ANO10: variants seen among roughly 807,000 people sequenced by gnomAD.
The protein encoded by ANO10 is anoctamin 10.
In ANO10, 77 loss-of-function variants were observed where a neutral mutation model predicts 74.7. The ratio of observed to expected loss-of-function variants is 1.03; its 90% confidence interval spans 0.86 to 1.25. The LOEUF is 1.25. Ranked by LOEUF, ANO10 falls within the 50% of genes most tolerant of loss-of-function variation. The probability of loss-of-function intolerance (pLI) is 0.00; values close to 1 mark genes in which losing one functional copy is unlikely to be tolerated. For missense variants in ANO10, 721 were observed against 778.1 expected (o/e 0.93, Z 0.87); for synonymous variants, 279 against 284.9 (o/e 0.98, Z 0.21).
chr3:43,565,607 C>T lies in ANO10; in HGVS notation c.1293+46G>A, dbSNP rs149638242. 265 of 1,426,798 alleles carry T rather than the reference C, an allele frequency of 1.9e-4. No individual in the cohort carries two copies. The African/African-American group carries it at 3.0e-3, about 16-fold the overall frequency. The allele number at this position is 1,426,798 out of a possible 1,614,324, so 88.4% of individuals were successfully genotyped here. ...TACAGCATCTAAAGATAGAAAACCA[C>T]CTCTATGACCTAAAAAATTGGTATT... On this transcript the variant is annotated intron_variant, in intron 8 of 12. Coordinates refer to ENST00000292246, the MANE Select transcript of ANO10 (RefSeq NM_018075.5).
intron 8 of ANO10, among the ~76,000 whole-genome samples, chr3:43,562,143 G>A (rs887020062): frequency 1.3e-5 from 2 of 152,024 alleles, no homozygotes; most frequent in African/African-American, 4.8e-5. Context: ...GGCCAAGGCG[G>A]GCAGATCACC....
chr3:43,642,729 G>A (rs544204980), intron 1 of ANO10, among the ~76,000 whole-genome samples: 20 of 151,634 alleles, frequency 1.3e-4, no homozygotes, highest in Middle Eastern at 3.4e-3. Context: ...AAATATAGGC[G>A]AATACCTAAA....
intron 11 of ANO10, among the ~76,000 whole-genome samples, chr3:43,473,291 G>C (rs2075937029): frequency 4.6e-5 from 7 of 152,054 alleles, no homozygotes; most frequent in Admixed American, 4.6e-4. Flanking sequence ...GACACTGTCC[G>C]CTTTGCTGGC....
chr3:43,432,875 G>T (rs1018876890), intron 11 of ANO10, 148 bp from the exon 12 acceptor site: 1 of 606,874 alleles, frequency 1.6e-6, no homozygotes, highest in East Asian at 3.4e-5. Flanking sequence ...GACCAAGCAG[G>T]CCCATGAGTT....
In ANO10 at chr3:43,635,867, G is replaced by A. The variant is rs151137271; in HGVS notation, c.-11-30004C>T. Among the ~76,000 whole-genome samples, 127 of 152,078 alleles carry A rather than the reference G, an allele frequency of 8.4e-4. 1 individual carries two copies. Among genetic ancestry groups the A allele is most frequent in the African/African-American group, 2.8e-3 (116 of 41,502 alleles). On this transcript the variant is annotated intron_variant, in intron 1 of 3. Coordinates refer to the ANO10 transcript ENST00000413397. ...GATAGCCTGACCTCATGATCCACCC[G>A]CCTAGGCCTCCCAAAGTGCTGGGAT...
chr3:43,687,951 T>G (rs1370134075), intron 1 of ANO10, among the ~76,000 whole-genome samples: 3 of 152,136 alleles, frequency 2.0e-5, no homozygotes, highest in Non-Finnish European at 2.9e-5. Context: ...GTTCCACCAT[T>G]GCTGGCAACA....
intron 1 of ANO10, among the ~76,000 whole-genome samples, chr3:43,650,543 C>T (rs2083776323): frequency 6.6e-6 from 1 of 151,974 alleles, no homozygotes; most frequent in African/African-American, 2.4e-5. Flanking sequence ...GAAAAAGATG[C>T]AATCAGCAAT....
chr3:43,524,443 C>T (rs1290593464), intron 11 of ANO10, among the ~76,000 whole-genome samples: 1 of 152,142 alleles, frequency 6.6e-6, no homozygotes, highest in African/African-American at 2.4e-5. Flanking sequence ...ACAGTTCCTG[C>T]ATTTACAGTC....
At chr3:43,424,114 G>C (rs1333884045) in intron 12 of ANO10, among the ~76,000 whole-genome samples, 1 of 152,126 alleles carries the variant, frequency 6.6e-6, no homozygotes, top group Non-Finnish European at 1.5e-5. Flanking sequence ...GCCTCATTCT[G>C]ACTTTGCCCC....
chr3:43,368,614 A>G (rs753660909), intron 12 of ANO10, among the ~76,000 whole-genome samples: 9 of 152,150 alleles, frequency 5.9e-5, no homozygotes, highest in Non-Finnish European at 1.2e-4. Flanking sequence ...AAAAACTGTA[A>G]TATTTCAGCC....
intron 12 of ANO10, among the ~76,000 whole-genome samples, chr3:43,409,665 T>C (rs1327203984): frequency 1.3e-5 from 2 of 152,208 alleles, no homozygotes; most frequent in Non-Finnish European, 2.9e-5. Context: ...TTCATGTTAC[T>C]TACAGCTAAT....
chr3:43,480,255 G>A (rs2076216668), intron 11 of ANO10, among the ~76,000 whole-genome samples: 1 of 152,196 alleles, frequency 6.6e-6, no homozygotes, highest in Admixed American at 6.5e-5. Flanking sequence ...AAATGCAACA[G>A]AGGGCCAGAA....
intron 12 of ANO10, among the ~76,000 whole-genome samples, chr3:43,428,545 G>GCTATGAA (rs142646067): frequency 0.19 from 28,130 of 151,652 alleles, 3,104 homozygotes; most frequent in Middle Eastern, 0.36. Flanking sequence ...TTCAGGGCAA[G>GCTATGAA]CTATGAACGT....
intron 1 of ANO10, among the ~76,000 whole-genome samples, chr3:43,657,206 G>A (rs1168092815): frequency 1.3e-5 from 2 of 152,176 alleles, no homozygotes. Context: ...ATTTGTTTTT[G>A]TAAGGACAGG....
chr3:43,634,122 C>G (rs1208957686), intron 1 of ANO10, among the ~76,000 whole-genome samples: 1 of 151,614 alleles, frequency 6.6e-6, no homozygotes, highest in Non-Finnish European at 1.5e-5. Flanking sequence ...TGGGCAGACA[C>G]ACAAAAGACC....
intron 4 of ANO10, among the ~76,000 whole-genome samples, chr3:43,591,299 C>T (rs953909709): frequency 1.3e-5 from 2 of 152,206 alleles, no homozygotes; most frequent in Non-Finnish European, 2.9e-5. Context: ...CATTGCCACT[C>T]CCAATTGGGC....
intron 1 of ANO10, among the ~76,000 whole-genome samples, chr3:43,682,173 A>G (rs1339852345): frequency 6.6e-6 from 1 of 152,222 alleles, no homozygotes; most frequent in Non-Finnish European, 1.5e-5. Context: ...CAAAATTGAT[A>G]GACCGCTAGC....
At chr3:43,461,483 T>A (rs545263590) in intron 11 of ANO10, among the ~76,000 whole-genome samples, 27 of 152,350 alleles carry the variant, frequency 1.8e-4, no homozygotes, top group Admixed American at 9.1e-4. Flanking sequence ...AATCTCATCT[T>A]GAATTCCCAT....
At chr3:43,494,938 T>A (rs1005685382) in intron 11 of ANO10, among the ~76,000 whole-genome samples, 1 of 150,948 alleles carries the variant, frequency 6.6e-6, no homozygotes, top group Non-Finnish European at 1.5e-5. Context: ...ATAAAAAAAA[T>A]AAAAGAATTA....
Sources: allele counts gnomAD v4.1 joint callset (sites outside exome capture counted in the v4.1 genomes callset), GRCh38; gene constraint gnomAD v4.1.1; transcripts MANE v1.5; gene names NCBI Gene and HGNC (gene_info 2026-07-23, HGNC 2026-07-21).